Variants in CDK14 observed in about 807,000 individuals in gnomAD.
CDK14 encodes cyclin-dependent kinase 14.
CDK14 carries 34 observed loss-of-function variants against 60.7 expected under a neutral mutation model. That is an observed-to-expected ratio of 0.56 (90% CI 0.43 to 0.75). The LOEUF (loss-of-function observed/expected upper bound fraction) is 0.75. CDK14 is among the 30% of genes least tolerant of loss of function. The probability of loss-of-function intolerance (pLI) is 0.00; values close to 1 mark genes in which losing one functional copy is unlikely to be tolerated. For missense variants in CDK14, 482 were observed against 564.1 expected (o/e 0.85, Z 1.47); for synonymous variants, 197 against 203.7 (o/e 0.97, Z 0.28).
At chr7:90,709,302 A>C (rs1340763103) in intron 2 of CDK14, 2 of 769,430 alleles carry the variant, frequency 2.6e-6, no homozygotes, top group Non-Finnish European at 3.7e-6. Context: ...TTGGCCTTCT[A>C]TAGGATCCCA....
chr7:90,866,219 C>T (rs79194616), intron 6 of CDK14, among the ~76,000 whole-genome samples: 10,222 of 133,696 alleles, frequency 0.076, 497 homozygotes, highest in Middle Eastern at 0.12. Context: ...TTCTGAAATA[C>T]ACACACATAC....
chr7:90,608,014 T>C (rs1261473043), intron 2 of CDK14, among the ~76,000 whole-genome samples: 1 of 152,200 alleles, frequency 6.6e-6, no homozygotes, highest in Non-Finnish European at 1.5e-5. Flanking sequence ...ATGGTTAAGC[T>C]AGATTGAAGG....
At chr7:90,698,786 G>C (rs930793354) in intron 2 of CDK14, among the ~76,000 whole-genome samples, 2 of 152,164 alleles carry the variant, frequency 1.3e-5, no homozygotes, top group African/African-American at 4.8e-5. Flanking sequence ...CGTGTGTGCT[G>C]ATGGTGGTAA....
At chr7:90,662,920 CTG>C (rs1470421509) in intron 2 of CDK14, among the ~76,000 whole-genome samples, 6 of 152,276 alleles carry the variant, frequency 3.9e-5, no homozygotes, top group Non-Finnish European at 8.8e-5. Context: ...CCTCATGCCC[CTG>C]TTCAGTTTAC....
chr7:91,191,364 T>C (rs2115940570), intron 14 of CDK14, among the ~76,000 whole-genome samples: 1 of 152,246 alleles, frequency 6.6e-6, no homozygotes. Context: ...GAGTCTCTTT[T>C]ATTATTTACA....
chr7:90,726,044 A>C (rs551739493), intron 2 of CDK14, among the ~76,000 whole-genome samples: 1 of 152,262 alleles, frequency 6.6e-6, no homozygotes, highest in South Asian at 2.1e-4. Context: ...ATTCATTCCA[A>C]TTTGGAGATG....
intron 10 of CDK14, among the ~76,000 whole-genome samples, chr7:91,043,489 A>G (rs1202533803): frequency 1.3e-5 from 2 of 152,254 alleles, no homozygotes; most frequent in Non-Finnish European, 2.9e-5. Flanking sequence ...GATTAGCTGT[A>G]TGTGCTGCCT....
intron 2 of CDK14, among the ~76,000 whole-genome samples, chr7:90,664,372 T>A (rs1317429863): frequency 6.6e-6 from 1 of 152,134 alleles, no homozygotes; most frequent in Non-Finnish European, 1.5e-5. Flanking sequence ...ATTGTGGAAG[T>A]CGGTGTGGCG....
At chr7:90,686,484 A>G (rs1410830590) in intron 2 of CDK14, among the ~76,000 whole-genome samples, 1 of 152,170 alleles carries the variant, frequency 6.6e-6, no homozygotes, top group Non-Finnish European at 1.5e-5. Flanking sequence ...GAATTATACA[A>G]TATAGTTTTG....
intron 10 of CDK14, among the ~76,000 whole-genome samples, chr7:90,995,730 ACT>A (rs1310539474): frequency 6.6e-6 from 1 of 151,982 alleles, no homozygotes; most frequent in Non-Finnish European, 1.5e-5. Context: ...TCATCAGAAT[ACT>A]CTGTTTTGTC....
intron 6 of CDK14, among the ~76,000 whole-genome samples, chr7:90,896,605 T>G (rs1792345441): frequency 1.3e-5 from 2 of 152,160 alleles, no homozygotes; most frequent in Admixed American, 1.3e-4. Context: ...CTTCACTGTT[T>G]CTTCTTCAGA....
At chr7:91,114,545 G>A (rs1799554035) in intron 13 of CDK14, among the ~76,000 whole-genome samples, 1 of 152,088 alleles carries the variant, frequency 6.6e-6, no homozygotes. Context: ...CTCACAGCAG[G>A]CTATTTGCAG....
chr7:90,665,178 G>A (rs188741778), intron 2 of CDK14, among the ~76,000 whole-genome samples: 2 of 151,852 alleles, frequency 1.3e-5, no homozygotes, highest in South Asian at 2.1e-4. Context: ...CCAGCTACTC[G>A]GGAGGCTGAG....
intron 6 of CDK14, among the ~76,000 whole-genome samples, chr7:90,874,448 A>G (rs1466133920): frequency 7.0e-6 from 1 of 142,906 alleles, no homozygotes; most frequent in Non-Finnish European, 1.5e-5. Context: ...ACCAAGGTTC[A>G]GCTTTATGCT....
intron 10 of CDK14, among the ~76,000 whole-genome samples, chr7:91,023,988 G>A (rs112408915): frequency 6.0e-4 from 91 of 152,138 alleles, no homozygotes; most frequent in African/African-American, 2.0e-3. Context: ...GGCCAGGCTG[G>A]TCTTGAACTC....
At chr7:90,937,773 A>T (rs2117496555) in intron 8 of CDK14, among the ~76,000 whole-genome samples, 1 of 152,356 alleles carries the variant, frequency 6.6e-6, no homozygotes, top group Admixed American at 6.5e-5. Context: ...TTCATGGAGC[A>T]TAATTTGCCA....
At chr7:90,704,985 T>A (rs1801866558) in intron 2 of CDK14, among the ~76,000 whole-genome samples, 1 of 152,034 alleles carries the variant, frequency 6.6e-6, no homozygotes, top group African/African-American at 2.4e-5. Context: ...ACATGAAATT[T>A]TACCATAAAA....
At chr7:90,711,884 G>A (rs77122958) in intron 2 of CDK14, among the ~76,000 whole-genome samples, 1 of 133,406 alleles carries the variant, frequency 7.5e-6, no homozygotes, top group Non-Finnish European at 1.6e-5. Flanking sequence ...AGTCTACTAT[G>A]TTTTTTTTTT....
intron 5 of CDK14, among the ~76,000 whole-genome samples, chr7:90,795,889 G>A (rs574079567): frequency 6.6e-5 from 10 of 152,324 alleles, no homozygotes; most frequent in African/African-American, 2.4e-4. Flanking sequence ...TGAAGGACCA[G>A]TGTGACAAGC....
Sources: gnomAD v4.1 joint callset for allele counts (sites outside exome capture counted in the v4.1 genomes callset) on GRCh38, gnomAD v4.1.1 for gene constraint, MANE v1.5 for transcripts, NCBI Gene and HGNC (gene_info 2026-07-23, HGNC 2026-07-21) for gene names.